RAVER2: variants seen among roughly 807,000 people sequenced by gnomAD.
The protein encoded by RAVER2 is ribonucleoprotein PTB-binding 2.
RAVER2 carries 46 observed loss-of-function variants against 78.1 expected under a neutral mutation model. The ratio of observed to expected loss-of-function variants is 0.59; its 90% confidence interval spans 0.46 to 0.75. The LOEUF (loss-of-function observed/expected upper bound fraction) is 0.75, where lower values mean the gene tolerates loss of function less well. Ranked by LOEUF, RAVER2 falls within the 30% of genes least tolerant of loss-of-function variation. RAVER2 has a pLI of 0.00. For synonymous variants in RAVER2, 311 were observed against 313.3 expected, an observed-to-expected ratio of 0.99 and a Z score of 0.08; for missense variants, 793 against 837.5, an observed-to-expected ratio of 0.95 and a Z score of 0.66.
intron 5 of RAVER2, among the ~76,000 whole-genome samples, chr1:64,796,052 T>A (rs1285996363): frequency 6.6e-6 from 1 of 152,164 alleles, no homozygotes; most frequent in Admixed American, 6.5e-5. Context: ...GATGATCATA[T>A]ATTTTTCCTA....
At chr1:64,746,233 A>G (rs182125931) in intron 1 of RAVER2, among the ~76,000 whole-genome samples, 1 of 152,274 alleles carries the variant, frequency 6.6e-6, no homozygotes, top group Non-Finnish European at 1.5e-5. Context: ...GGGACACAGA[A>G]ATTACCCATA....
At chr1:64,787,089 A>G (rs532102523) in intron 4 of RAVER2, among the ~76,000 whole-genome samples, 19 of 152,332 alleles carry the variant, frequency 1.2e-4, no homozygotes, top group Non-Finnish European at 1.0e-4. Context: ...TATTCTTTAA[A>G]AACTGCTTGT....
rs753030059 is a variant in RAVER2, at chr1:64,804,886, T to G, written c.1296+48T>G. ...TTTTAAAATCAGTTCATTTCTTTTC[T>G]AGAATCAGGCTGTGGATCAGGTTGT... is the stretch of plus-strand genomic sequence containing the variant. On this transcript the variant is annotated intron_variant, in intron 7 of 11. Coordinates refer to ENST00000294428, the Ensembl canonical transcript of RAVER2. 4.6e-6 allele frequency: 7 copies of G among 1,507,578 alleles called. No homozygotes were observed. The African/African-American group carries it at 9.8e-5, about 21-fold the overall frequency. The allele number at this position is 1,507,578 out of a possible 1,614,324, so 93.4% of individuals were successfully genotyped here. A position where few individuals can be genotyped will look rare whatever the true frequency, so the allele number is the denominator to read the frequency against.
chr1:64,769,667 A>G (rs1247438838), intron 2 of RAVER2, among the ~76,000 whole-genome samples: 1 of 152,006 alleles, frequency 6.6e-6, no homozygotes. Flanking sequence ...TCCCTGTGCT[A>G]AAGTAATTGG....
At chr1:64,817,380 T>C (rs1350860943) in intron 11 of RAVER2, among the ~76,000 whole-genome samples, 1 of 152,216 alleles carries the variant, frequency 6.6e-6, no homozygotes, top group African/African-American at 2.4e-5. Context: ...AAATATCATT[T>C]GACCCAGCCA....
chr1:64,814,945 A>G, intron 11 of RAVER2, 105 bp downstream of exon 11: 1 of 1,012,502 alleles, frequency 9.9e-7, no homozygotes, highest in Admixed American at 2.9e-5. Flanking sequence ...ACGTAGGCAA[A>G]TCAAATTGCA....
intron 5 of RAVER2, among the ~76,000 whole-genome samples, chr1:64,794,844 T>G (rs554426553): frequency 6.6e-6 from 1 of 152,136 alleles, no homozygotes; most frequent in Non-Finnish European, 1.5e-5. Context: ...TTATTTTTTC[T>G]TTTATAATTT....
At chr1:64,805,015 C>G (rs1653374776) in exon 8 of RAVER2, 1 of 1,613,904 alleles carries the variant, frequency 6.2e-7, no homozygotes, top group Non-Finnish European at 8.5e-7. Flanking sequence ...TGGAGAGCCC[C>G]CAGCTGTGGT....
intron 5 of RAVER2, among the ~76,000 whole-genome samples, chr1:64,794,857 A>T (rs746368310): frequency 6.6e-6 from 1 of 152,056 alleles, no homozygotes; most frequent in African/African-American, 2.4e-5. Flanking sequence ...TATAATTTGT[A>T]CTTCCTGTGT....
intron 1 of RAVER2, among the ~76,000 whole-genome samples, chr1:64,763,169 C>T (rs1652070232): frequency 6.6e-6 from 1 of 151,988 alleles, no homozygotes; most frequent in South Asian, 2.1e-4. Flanking sequence ...AGGTGGCTGG[C>T]GCCTGTAGTC....
At chr1:64,809,525 A>AAATAAATAAATAAATAAAT (rs1653545802) in intron 9 of RAVER2, among the ~76,000 whole-genome samples, 1 of 113,442 alleles carries the variant, frequency 8.8e-6, no homozygotes, top group Non-Finnish European at 1.9e-5. Context: ...AATAAATAAA[A>AAATAAATAAATAAATAAAT]GAGATTTGGA....
intron 11 of RAVER2, among the ~76,000 whole-genome samples, chr1:64,824,453 G>T (rs767611572): frequency 6.6e-6 from 1 of 152,200 alleles, no homozygotes; most frequent in African/African-American, 2.4e-5. Flanking sequence ...TGTATGGACC[G>T]TGATAGATCC....
rs193084222 is a variant in RAVER2 at position 64,802,155 on chromosome 1, C to T, written c.1106-821C>T. On this transcript the variant is annotated intron_variant, in intron 5 of 11. Transcript: ENST00000294428. ...GGACGGCCAGAGATCACTCTTGTCA[C>T]CATCTTGGTTTTGGTAGGTTTTAGC... is the stretch of plus-strand genomic sequence containing the variant. Among the ~76,000 whole-genome samples, 10 of 152,320 alleles carry T rather than the reference C, an allele frequency of 6.6e-5. No individual in the cohort carries two copies. The East Asian group carries it at 1.9e-3, about 29-fold the overall frequency.
intron 9 of RAVER2, among the ~76,000 whole-genome samples, chr1:64,807,703 A>G (rs1384913811): frequency 1.3e-5 from 2 of 152,212 alleles, no homozygotes; most frequent in Admixed American, 6.5e-5. Flanking sequence ...ATTTGGGACT[A>G]TCTTAATTAT....
intron 2 of RAVER2, among the ~76,000 whole-genome samples, chr1:64,774,192 T>A (rs574805716): frequency 6.6e-6 from 1 of 152,346 alleles, no homozygotes; most frequent in Admixed American, 6.5e-5. Context: ...TTAGACCCCA[T>A]TTGTCAATTT....
At chr1:64,775,615 C>T (rs1371002542) in intron 2 of RAVER2, among the ~76,000 whole-genome samples, 2 of 152,118 alleles carry the variant, frequency 1.3e-5, no homozygotes, top group Admixed American at 6.5e-5. Flanking sequence ...CAGGAAGGCA[C>T]CCCAAGGAGT....
intron 1 of RAVER2, among the ~76,000 whole-genome samples, chr1:64,757,520 T>A (rs1651888076): frequency 6.6e-6 from 1 of 152,160 alleles, no homozygotes; most frequent in Non-Finnish European, 1.5e-5. Flanking sequence ...AGCCAGAAAT[T>A]GAATCAGCTG....
intron 1 of RAVER2, among the ~76,000 whole-genome samples, chr1:64,757,286 C>G (rs1651880967): frequency 6.6e-6 from 1 of 152,308 alleles, no homozygotes; most frequent in Admixed American, 6.5e-5. Context: ...GTTTGTGTCT[C>G]TCTCCAAATT....
chr1:64,763,376 C>CA (rs1346625989), intron 1 of RAVER2, among the ~76,000 whole-genome samples: 6 of 151,880 alleles, frequency 4.0e-5, no homozygotes, highest in East Asian at 1.9e-4. Context: ...AGGCATTTCA[C>CA]AAAAAAGGAA....
Sources: gnomAD v4.1 joint callset for allele counts (sites outside exome capture counted in the v4.1 genomes callset) on GRCh38, gnomAD v4.1.1 for gene constraint, MANE v1.5 for transcripts, NCBI Gene and HGNC (gene_info 2026-07-23, HGNC 2026-07-21) for gene names.